NEGR1: variants seen among roughly 807,000 people sequenced by gnomAD.
NEGR1 encodes IgLON family member 4.
In NEGR1, 10 loss-of-function variants were observed where a neutral mutation model predicts 40.9. The observed-to-expected ratio is 0.24, with a 90% CI of 0.15 to 0.42. The LOEUF is 0.42. NEGR1 is among the 10% of genes least tolerant of loss of function. NEGR1 has a pLI of 1.00. For missense variants in NEGR1, 352 were observed against 438.9 expected, an observed-to-expected ratio of 0.80 and a Z score of 1.77; for synonymous variants, 185 against 166.8, an observed-to-expected ratio of 1.11 and a Z score of -0.84.
chr1:71,630,540 C>G (rs1650939810), intron 4 of NEGR1, among the ~76,000 whole-genome samples: 1 of 151,844 alleles, frequency 6.6e-6, no homozygotes, highest in South Asian at 2.1e-4. Context: ...CTGCTGTGTG[C>G]CCCATAAAAT....
intron 2 of NEGR1, among the ~76,000 whole-genome samples, chr1:71,847,425 G>C (rs562773393): frequency 8.2e-4 from 125 of 152,176 alleles, no homozygotes; most frequent in African/African-American, 2.8e-3. Context: ...TCAACAGCAT[G>C]AGCTCATTTC....
intron 2 of NEGR1, among the ~76,000 whole-genome samples, chr1:71,888,488 C>A (rs546625397): frequency 1.3e-5 from 2 of 151,792 alleles, no homozygotes; most frequent in African/African-American, 4.8e-5. Context: ...CACTCCCACC[C>A]GAATATTGCG....
intron 2 of NEGR1, among the ~76,000 whole-genome samples, chr1:71,797,788 T>C (rs559599504): frequency 8.9e-4 from 136 of 152,262 alleles, no homozygotes; most frequent in African/African-American, 3.0e-3. Flanking sequence ...TAAATAACAT[T>C]CTCTGAGCAC....
intron 1 of NEGR1, among the ~76,000 whole-genome samples, chr1:72,015,220 T>C (rs1182538920): frequency 6.6e-6 from 1 of 152,124 alleles, no homozygotes; most frequent in African/African-American, 2.4e-5. Context: ...AGAAGAAACA[T>C]ACTGAATGAA....
At chr1:71,460,545 T>C (rs1457295461) in intron 6 of NEGR1, among the ~76,000 whole-genome samples, 1 of 152,226 alleles carries the variant, frequency 6.6e-6, no homozygotes, top group African/African-American at 2.4e-5. Flanking sequence ...AAAAACTGCA[T>C]CTATCTTGTA....
intron 1 of NEGR1, among the ~76,000 whole-genome samples, chr1:72,201,566 G>T (rs1300335408): frequency 1.3e-5 from 2 of 151,800 alleles, no homozygotes; most frequent in African/African-American, 4.8e-5. Context: ...AGTTTGTACA[G>T]ACACATGCAA....
chr1:72,016,747 A>G (rs1646713817), intron 1 of NEGR1, among the ~76,000 whole-genome samples: 1 of 152,156 alleles, frequency 6.6e-6, no homozygotes, highest in Non-Finnish European at 1.5e-5. Context: ...CTTATCTCAG[A>G]GGGAAGTTAC....
intron 6 of NEGR1, among the ~76,000 whole-genome samples, chr1:71,438,832 G>A (rs1201650045): frequency 1.3e-5 from 2 of 152,122 alleles, no homozygotes; most frequent in Admixed American, 1.3e-4. Flanking sequence ...TGCTGATCTA[G>A]AAGGCTGGCA....
intron 4 of NEGR1, among the ~76,000 whole-genome samples, chr1:71,632,197 T>A (rs957522846): frequency 6.6e-6 from 1 of 151,714 alleles, no homozygotes; most frequent in African/African-American, 2.4e-5. Context: ...TCCTTCCATA[T>A]CAGTATAATC....
At chr1:72,187,180 T>C (rs1652642464) in intron 1 of NEGR1, among the ~76,000 whole-genome samples, 1 of 151,474 alleles carries the variant, frequency 6.6e-6, no homozygotes, top group Non-Finnish European at 1.5e-5. Flanking sequence ...AGGGTTTATC[T>C]TCATTCTTAG....
chr1:71,947,389 T>C (rs1360112648), intron 1 of NEGR1, among the ~76,000 whole-genome samples: 1 of 152,062 alleles, frequency 6.6e-6, no homozygotes, highest in Non-Finnish European at 1.5e-5. Context: ...TAAATAAGTC[T>C]ATGGGAATGG....
intron 1 of NEGR1, among the ~76,000 whole-genome samples, chr1:72,210,928 G>T (rs1219695565): frequency 6.6e-6 from 1 of 151,856 alleles, no homozygotes; most frequent in Non-Finnish European, 1.5e-5. Flanking sequence ...TAGTACAAAA[G>T]AAGAATCGTG....
chr1:72,126,224 C>T (rs571408241), intron 1 of NEGR1, among the ~76,000 whole-genome samples: 1 of 151,542 alleles, frequency 6.6e-6, no homozygotes, highest in Non-Finnish European at 1.5e-5. Flanking sequence ...TTTTCTATTA[C>T]TATTTCTATA....
intron 3 of NEGR1, among the ~76,000 whole-genome samples, chr1:71,701,914 C>G (rs549749345): frequency 2.5e-4 from 38 of 151,964 alleles, no homozygotes; most frequent in Non-Finnish European, 5.4e-4. Context: ...CACTATACCA[C>G]AAATCTATCA....
chr1:72,054,718 C>T (rs1057295633), intron 1 of NEGR1, among the ~76,000 whole-genome samples: 1 of 151,132 alleles, frequency 6.6e-6, no homozygotes, highest in Non-Finnish European at 1.5e-5. Flanking sequence ...TTCCATTTAT[C>T]TTATCTATAC....
At chr1:71,985,735 T>C (rs1557469266) in intron 1 of NEGR1, among the ~76,000 whole-genome samples, 1 of 152,196 alleles carries the variant, frequency 6.6e-6, no homozygotes, top group Non-Finnish European at 1.5e-5. Flanking sequence ...AAAAGTACTT[T>C]ATCTCTTTGA....
chr1:71,509,080 G>T (rs1647055601), intron 6 of NEGR1, among the ~76,000 whole-genome samples: 1 of 152,160 alleles, frequency 6.6e-6, no homozygotes, highest in Admixed American at 6.5e-5. Flanking sequence ...TAGAAATTGA[G>T]ACAGGGTAAG....
intron 4 of NEGR1, among the ~76,000 whole-genome samples, chr1:71,693,299 A>C (rs1030797649): frequency 1.3e-5 from 2 of 151,684 alleles, no homozygotes; most frequent in Non-Finnish European, 3.0e-5. Context: ...ATTAATTGTG[A>C]GGCAAACCTA....
At chr1:72,236,070 T>C (rs757073702) in intron 1 of NEGR1, among the ~76,000 whole-genome samples, 6 of 152,070 alleles carry the variant, frequency 3.9e-5, no homozygotes, top group African/African-American at 4.8e-5. Flanking sequence ...AAAGAAAATG[T>C]GGCACATATA....
Sources: gnomAD v4.1 joint callset for allele counts (sites outside exome capture counted in the v4.1 genomes callset) on GRCh38, gnomAD v4.1.1 for gene constraint, MANE v1.5 for transcripts, NCBI Gene and HGNC (gene_info 2026-07-23, HGNC 2026-07-21) for gene names.